Variants in RAB31 observed in about 807,000 individuals in gnomAD.
RAB31 encodes the protein RAB31, member RAS oncogene family.
Under a neutral mutation model 25.6 loss-of-function variants are expected in RAB31, and 21 were observed. The observed-to-expected ratio is 0.82, with a 90% CI of 0.58 to 1.18. RAB31 has a LOEUF of 1.18. Ranked by LOEUF, RAB31 falls within the 50% of genes most tolerant of loss-of-function variation. RAB31 has a pLI of 0.00. For synonymous variants in RAB31, 87 were observed against 84.0 expected (o/e 1.04, Z -0.20); for missense variants, 196 against 250.1 (o/e 0.78, Z 1.46).
intron 1 of RAB31, among the ~76,000 whole-genome samples, chr18:9,772,145 T>C: frequency 6.6e-6 from 1 of 151,734 alleles, no homozygotes; most frequent in Non-Finnish European, 1.5e-5. Context: ...GAGACTTGTG[T>C]CCATTGTTTT....
At chr18:9,777,234 G>A (rs12052038) in intron 2 of RAB31, among the ~76,000 whole-genome samples, 4,002 of 152,140 alleles carry the variant, frequency 0.026, 196 homozygotes, top group African/African-American at 0.092. Context: ...CCAGCTACTC[G>A]GAAGGCTGAG....
chr18:9,718,003 T>C (rs530884443), intron 1 of RAB31, among the ~76,000 whole-genome samples: 2 of 152,166 alleles, frequency 1.3e-5, no homozygotes, highest in African/African-American at 4.8e-5. Flanking sequence ...CAAGCAATGC[T>C]TCTACCTCAG....
At chr18:9,851,300 G>C (rs1027366830) in intron 6 of RAB31, among the ~76,000 whole-genome samples, 3 of 152,194 alleles carry the variant, frequency 2.0e-5, no homozygotes, top group African/African-American at 4.8e-5. Context: ...ATATGGGCAA[G>C]TTGGGTCTCA....
chr18:9,795,389 CTTAA>C (rs1297881865), intron 3 of RAB31, among the ~76,000 whole-genome samples: 3 of 152,062 alleles, frequency 2.0e-5, no homozygotes, highest in African/African-American at 7.2e-5. Flanking sequence ...GATAAATAGA[CTTAA>C]TTAAACTAAA....
At chr18:9,855,070 G>A (rs534681538) in intron 6 of RAB31, among the ~76,000 whole-genome samples, 1 of 152,340 alleles carries the variant, frequency 6.6e-6, no homozygotes, top group South Asian at 2.1e-4. Context: ...CGGGGAAAGG[G>A]AACAGCCCCA....
At chr18:9,712,236 G>A (rs918027623) in intron 1 of RAB31, among the ~76,000 whole-genome samples, 6 of 152,258 alleles carry the variant, frequency 3.9e-5, no homozygotes, top group African/African-American at 9.6e-5. Context: ...ACTGAAGAGC[G>A]TTGGGTTTGT....
chr18:9,725,698 T>C (rs543870267), intron 1 of RAB31, among the ~76,000 whole-genome samples: 26 of 152,380 alleles, frequency 1.7e-4, no homozygotes, highest in African/African-American at 5.3e-4. Flanking sequence ...TTTTATTGAA[T>C]AATTTGAACC....
chr18:9,793,275 G>A (rs758402531), intron 3 of RAB31, among the ~76,000 whole-genome samples: 8 of 151,502 alleles, frequency 5.3e-5, no homozygotes, highest in African/African-American at 1.2e-4. Context: ...CTGGGGTCTC[G>A]CTATGTTGCC....
rs1869864958 is a variant in RAB31 at position 9,815,230 on chromosome 18, G to T, written c.380+8G>T. ...CGACCTCTCAGATATTAGGTAAGAT[G>T]CATTGAAATCTCTTTTGTGTAGATA... On this transcript the variant is annotated splice_region_variant and intron_variant, in intron 5 of 6. Transcript: ENST00000578921. The T allele has an allele frequency of 6.6e-7, 1 of 1,515,830 alleles. No individual in the cohort carries two copies. Among genetic ancestry groups the T allele is most frequent in the East Asian group, 2.4e-5 (1 of 40,852 alleles). The allele number at this position is 1,515,830 out of a possible 1,614,324, so 93.9% of individuals were successfully genotyped here.
intron 1 of RAB31, among the ~76,000 whole-genome samples, chr18:9,751,327 G>A (rs2068234099): frequency 6.6e-6 from 1 of 152,176 alleles, no homozygotes; most frequent in African/African-American, 2.4e-5. Context: ...TTAAAATAAA[G>A]TCAGTCAGTT....
intron 5 of RAB31, among the ~76,000 whole-genome samples, chr18:9,831,761 AC>A (rs1007438389): frequency 5.0e-4 from 76 of 152,170 alleles, no homozygotes; most frequent in African/African-American, 1.7e-3. Context: ...GTCACTTTCT[AC>A]TTGCACAGCA....
intron 6 of RAB31, among the ~76,000 whole-genome samples, chr18:9,852,789 T>G (rs974964271): frequency 1.3e-5 from 2 of 152,206 alleles, no homozygotes; most frequent in Non-Finnish European, 2.9e-5. Flanking sequence ...GTTTTTAACT[T>G]TCTAAGATTA....
chr18:9,718,679 A>G (rs573202558), intron 1 of RAB31, among the ~76,000 whole-genome samples: 1 of 152,310 alleles, frequency 6.6e-6, no homozygotes, highest in African/African-American at 2.4e-5. Context: ...AAACAACAGA[A>G]ATGTATTTCC....
chr18:9,846,161 A>G (rs2068760807), intron 6 of RAB31, among the ~76,000 whole-genome samples: 1 of 152,198 alleles, frequency 6.6e-6, no homozygotes, highest in South Asian at 2.1e-4. Flanking sequence ...AATTGGATAC[A>G]GGGTTGGCGT....
intron 5 of RAB31, among the ~76,000 whole-genome samples, chr18:9,832,073 G>A (rs2068681244): frequency 1.3e-5 from 2 of 152,204 alleles, no homozygotes; most frequent in South Asian, 2.1e-4. Flanking sequence ...CTGTGGATAC[G>A]CCGAGCGATC....
At position 9,845,564 on chromosome 18, in the gene RAB31, A is replaced by G. The variant is rs181687406; in HGVS notation, c.381-18A>G. On this transcript the variant is annotated intron_variant, in intron 5 of 6. Coordinates refer to ENST00000578921, the MANE Select transcript of RAB31 (RefSeq NM_006868.4). ...AAACAAACATTCATTTCCTGTCTAC[A>G]TTTGACCTCTTTTCCAGGGAGGTTC... The G allele has an allele frequency of 7.2e-6, 11 of 1,524,456 alleles. No homozygotes were observed. The South Asian group carries it at 1.0e-4, about 14-fold the overall frequency. 94.4% of individuals were successfully genotyped at this position (1,524,456 alleles called of 1,614,324 possible). A position where few individuals can be genotyped will look rare whatever the true frequency, so the allele number is the denominator to read the frequency against.
At chr18:9,849,227 T>C (rs1170116399) in intron 6 of RAB31, among the ~76,000 whole-genome samples, 1 of 152,198 alleles carries the variant, frequency 6.6e-6, no homozygotes. Context: ...AAACATATTT[T>C]ATCTTTAATT....
At chr18:9,712,848 G>A (rs2068024769) in intron 1 of RAB31, among the ~76,000 whole-genome samples, 1 of 152,214 alleles carries the variant, frequency 6.6e-6, no homozygotes, top group Admixed American at 6.5e-5. Flanking sequence ...TTCCTCAATA[G>A]CTGAGTGATC....
At chr18:9,849,154 C>T (rs1277291491) in intron 6 of RAB31, among the ~76,000 whole-genome samples, 5 of 152,050 alleles carry the variant, frequency 3.3e-5, no homozygotes, top group Admixed American at 1.3e-4. Context: ...TGGGTTCTTA[C>T]ACCCAAGGAA....
Sources: allele counts gnomAD v4.1 joint callset (sites outside exome capture counted in the v4.1 genomes callset), GRCh38; gene constraint gnomAD v4.1.1; transcripts MANE v1.5; gene names NCBI Gene and HGNC (gene_info 2026-07-23, HGNC 2026-07-21).